The following SPATA3 variants were observed in gnomAD, a reference collection of about 807,000 sequenced individuals.
SPATA3 encodes spermatogenesis associated 3.
A neutral mutation model predicts 5.7 loss-of-function variants in SPATA3; 6 were observed. The ratio of observed to expected loss-of-function variants is 1.06; its 90% CI spans 0.58 to 2.09. The LOEUF is 2.09. SPATA3 is among the 30% of genes most tolerant of loss of function. The pLI is 0.00. For missense variants in SPATA3, 155 were observed against 130.4 expected (o/e 1.19, Z -0.92); for synonymous variants, 44 against 48.4 (o/e 0.91, Z 0.37).
At chr2:230,998,575 G>C (rs9973868) in intron 1 of SPATA3, among the ~76,000 whole-genome samples, 1 of 152,230 alleles carries the variant, frequency 6.6e-6, no homozygotes, top group East Asian at 1.9e-4. Flanking sequence ...AATTCTCTGC[G>C]TAGAAAGGAA....
chr2:231,005,538 C>CCGCCATCAT (rs1692585292), downstream of SPATA3, among the ~76,000 whole-genome samples: 1 of 2,326 alleles, frequency 4.3e-4, no homozygotes, highest in South Asian at 0.011. Flanking sequence ...ACCATCATCA[C>CCGCCATCAT]CACCATCATC....
At chr2:231,011,097 AAAAG>A (rs199638244), downstream of SPATA3, among the ~76,000 whole-genome samples, 87 of 140,496 alleles carry the variant, frequency 6.2e-4, 2 homozygotes, top group African/African-American at 1.9e-3. Context: ...AAAGAAAAGA[AAAAG>A]AAAGCCATCA....
At chr2:231,001,934 G>A (rs750117900) in intron 2 of SPATA3, among the ~76,000 whole-genome samples, 10 of 152,200 alleles carry the variant, frequency 6.6e-5, no homozygotes, top group Non-Finnish European at 1.5e-4. Flanking sequence ...CAGCATGTGA[G>A]CCGAGTCCAG....
intron 2 of SPATA3, among the ~76,000 whole-genome samples, chr2:231,002,219 A>C (rs907718883): frequency 3.9e-5 from 6 of 152,184 alleles, no homozygotes; most frequent in African/African-American, 1.4e-4. Flanking sequence ...CGGGTATTGC[A>C]TTTTTTGAAT....
At chr2:231,011,393 G>A (rs372083785), downstream of SPATA3, among the ~76,000 whole-genome samples, 51 of 152,246 alleles carry the variant, frequency 3.3e-4, no homozygotes, top group African/African-American at 1.2e-3. Flanking sequence ...GGGAGCCTCC[G>A]CACCCGGTCC....
At chr2:231,017,177 AGCTCCATCTG>A (rs1314711512) in intron 6 of SPATA3, among the ~76,000 whole-genome samples, 1 of 152,202 alleles carries the variant, frequency 6.6e-6, no homozygotes, top group African/African-American at 2.4e-5. Context: ...TGGGGAACCT[AGCTCCATCTG>A]GCTTAGACAA....
chr2:231,005,346 TCACCATCACCAC>T (rs1692554675), downstream of SPATA3, among the ~76,000 whole-genome samples: 2 of 61,146 alleles, frequency 3.3e-5, no homozygotes, highest in South Asian at 6.2e-4. Flanking sequence ...ATCACCATCA[TCACCATCACCAC>T]CACCACCATC....
At chr2:230,998,702 G>T (rs1692227932) in intron 1 of SPATA3, among the ~76,000 whole-genome samples, 1 of 152,216 alleles carries the variant, frequency 6.6e-6, no homozygotes, top group South Asian at 2.1e-4. Flanking sequence ...ACTAGGATGG[G>T]TATAATCAGA....
chr2:231,018,976 T>C (rs1184391228), intron 6 of SPATA3, among the ~76,000 whole-genome samples: 1 of 149,016 alleles, frequency 6.7e-6, no homozygotes, highest in Non-Finnish European at 1.5e-5. Context: ...TTTCTTTTTT[T>C]TTTTTTTTGA....
intron 2 of SPATA3, 27 bp downstream of exon 2, chr2:231,000,564 C>T (rs1195134713): frequency 7.5e-6 from 11 of 1,473,326 alleles, no homozygotes; most frequent in African/African-American, 2.8e-5. Context: ...GCTGGAGCCT[C>T]GGGGCACACA....
chr2:231,007,904 G>A (rs927930125), downstream of SPATA3, among the ~76,000 whole-genome samples: 1 of 152,194 alleles, frequency 6.6e-6, no homozygotes, highest in African/African-American at 2.4e-5. Context: ...CAAGACTTTG[G>A]GAGGCCAAGA....
chr2:231,007,979 C>G (rs1371520061), downstream of SPATA3, among the ~76,000 whole-genome samples: 1 of 152,118 alleles, frequency 6.6e-6, no homozygotes, highest in Non-Finnish European at 1.5e-5. Flanking sequence ...CGCTGCACTC[C>G]AGCCTGGACG....
intron 6 of SPATA3, among the ~76,000 whole-genome samples, chr2:231,018,213 C>A (rs1310766745): frequency 1.3e-5 from 2 of 152,184 alleles, no homozygotes; most frequent in African/African-American, 4.8e-5. Flanking sequence ...GCATGAGCCA[C>A]CGCACCCATC....
At position 231,019,533 on chromosome 2, in the gene SPATA3, C is replaced by A. The variant is rs769986866; in HGVS notation, c.*566-187C>A. ...TAGAGATGGGGTTTCACCGTGTTAGCCGGGATGGTCTCGATCTCCTGACCT... is the reference window on the plus strand; with the variant it reads ...TAGAGATGGGGTTTCACCGTGTTAGACGGGATGGTCTCGATCTCCTGACCT... On this transcript the variant is annotated intron_variant, in intron 6 of 8. Transcript: ENST00000452881. Among the ~76,000 whole-genome samples, 23 of 150,578 alleles carry A rather than the reference C, an allele frequency of 1.5e-4. 1 individual carries two copies. The highest frequency in any genetic ancestry group is 3.1e-4 in the Non-Finnish European group (21 of 67,546).
downstream of SPATA3, among the ~76,000 whole-genome samples, chr2:231,010,900 T>C (rs1405253636): frequency 7.4e-6 from 1 of 135,638 alleles, no homozygotes; most frequent in Non-Finnish European, 1.5e-5. Flanking sequence ...AAAACTCATA[T>C]TTTGTATTTT....
At chr2:230,996,225 G>C in intron 1 of SPATA3, 1 of 1,547,968 alleles carries the variant, frequency 6.5e-7, no homozygotes, top group Non-Finnish European at 8.7e-7. Context: ...TAGGTTGGGA[G>C]GATCTACCAT....
chr2:230,998,756 G>A (rs1692230635), intron 1 of SPATA3, among the ~76,000 whole-genome samples: 1 of 152,212 alleles, frequency 6.6e-6, no homozygotes, highest in Non-Finnish European at 1.5e-5. Flanking sequence ...AGAGAAGCTG[G>A]AATCCTCATA....
chr2:231,010,028 GTATATT>G (rs1692742817), downstream of SPATA3, among the ~76,000 whole-genome samples: 1 of 152,238 alleles, frequency 6.6e-6, no homozygotes, highest in Non-Finnish European at 1.5e-5. Flanking sequence ...GAGTGAGCAG[GTATATT>G]TCCTATCAAT....
intron 1 of SPATA3, chr2:230,999,885 T>C (rs7573039): frequency 0.42 from 69,364 of 165,208 alleles, 14,737 homozygotes; most frequent in South Asian, 0.51. Context: ...CCAACTTCTG[T>C]AATCTACTCC....
Sources: allele counts gnomAD v4.1 joint callset (sites outside exome capture counted in the v4.1 genomes callset), GRCh38; gene constraint gnomAD v4.1.1; transcripts MANE v1.5; gene names NCBI Gene and HGNC (gene_info 2026-07-23, HGNC 2026-07-21).